Variants in ESYT3 observed in about 807,000 individuals in gnomAD.
ESYT3 encodes extended synaptotagmin 3.
ESYT3 carries 101 observed loss-of-function variants against 111.5 expected under a neutral mutation model. The observed-to-expected ratio is 0.91, with a 90% CI of 0.77 to 1.07. The LOEUF is 1.07. Among genes scored for constraint, ESYT3 ranks in the 50% least tolerant of loss-of-function variants. The pLI is 0.00. For missense variants in ESYT3, 1,097 were observed against 1,109.4 expected (o/e 0.99, Z 0.16); for synonymous variants, 416 against 446.8 (o/e 0.93, Z 0.87).
rs756437673 is a variant in ESYT3, at chr3:138,460,014, G to A, written c.718G>A (p.Val240Met). 1.9e-6 allele frequency: 3 copies of A among 1,614,154 alleles called. No individual in the cohort carries two copies. Among genetic ancestry groups the A allele is most frequent in the African/African-American group, 1.3e-5 (1 of 75,056 alleles). ...VDKPFVGAVTVFFLQKPHLQI... is the reference protein window; with the variant it reads ...VDKPFVGAVTMFFLQKPHLQI... ...CAAGCCCTTTGTGGGAGCCGTGACT[G>A]TGTTCTTCCTTCAGAAGCCGGTGAG... The change falls in exon 6 of 23, where the codon GTG becomes ATG. Residue 240 changes from valine (V) to methionine (M), a missense_variant. Val to Met is a conservative substitution (Grantham distance 21, BLOSUM62 1). Coordinates refer to ENST00000389567, the MANE Select transcript of ESYT3 (RefSeq NM_031913.5).
At chr3:138,437,176 G>A (rs541896450) in intron 1 of ESYT3, among the ~76,000 whole-genome samples, 4 of 152,176 alleles carry the variant, frequency 2.6e-5, no homozygotes, top group South Asian at 2.1e-4. Context: ...AGGCAGTCTC[G>A]GGTGGGGGAC....
intron 20 of ESYT3, 124 bp downstream of exon 20, chr3:138,474,476 C>T (rs1038139182): frequency 1.8e-6 from 2 of 1,111,074 alleles, no homozygotes; most frequent in South Asian, 1.9e-5. Flanking sequence ...ACAACATAGT[C>T]TATGACTTCA....
chr3:138,455,149 G>A (rs770047195), intron 2 of ESYT3, 45 bp from the exon 3 acceptor site: 20 of 1,608,180 alleles, frequency 1.2e-5, no homozygotes, highest in Admixed American at 3.3e-5. Flanking sequence ...GGTCTGCAGT[G>A]GGGGTACAGA....
Position 138,472,781 on chromosome 3 carries a change from G to A in ESYT3, c.2159G>A (p.Arg720Lys). 3 of 1,614,206 alleles carry A rather than the reference G, an allele frequency of 1.9e-6. No homozygotes were observed. The highest frequency in any genetic ancestry group is 2.2e-5 in the South Asian group (2 of 91,088). ...TCCCCATTCGCATGGCCGCCCAAGA[G>A]GCTGGCTCCCAGCATGTCCTCGCTC... ...PASPFAWPPK[R>K]LAPSMSSLNS... is the part of the protein sequence containing the mutation. Residue 720 changes from arginine to lysine, a missense_variant, in exon 18 of 23, where the codon AGG becomes AAG. Physicochemically the swap from Arg to Lys is conservative, Grantham distance 26. Coordinates refer to ENST00000389567, the MANE Select transcript of ESYT3 (RefSeq NM_031913.5).
intron 5 of ESYT3, among the ~76,000 whole-genome samples, 175 bp downstream of exon 5, chr3:138,459,428 T>G (rs1410426468): frequency 6.6e-6 from 1 of 152,156 alleles, no homozygotes; most frequent in African/African-American, 2.4e-5. Context: ...AAGTGGTGGC[T>G]GGGCTTCACC....
rs766795903 is a variant in ESYT3 at position 138,460,670 on chromosome 3, G to C, written c.794+4G>C. ...TGCTGGATGCGCCGGGAATCAAGTA[G>C]GTGCCTGGGAGAGCCTCGAGGGAGA... On this transcript the variant is annotated splice_donor_region_variant and intron_variant, in intron 7 of 22. Transcript: ENST00000389567. The C allele has an allele frequency of 3.1e-6, 5 of 1,613,924 alleles. No homozygotes were observed. The African/African-American group carries it at 6.7e-5, about 22-fold the overall frequency.
At position 138,476,333 on chromosome 3, in the gene ESYT3, G is replaced by T. The variant is rs999518176; in HGVS notation, c.2574+5G>T. 9.9e-6 allele frequency: 16 copies of T among 1,609,826 alleles called. No homozygotes were observed. Among genetic ancestry groups the T allele is most frequent in the Non-Finnish European group, 9.4e-6 (11 of 1,176,292 alleles). On this transcript the variant is annotated splice_donor_5th_base_variant and intron_variant, in intron 21 of 22. Transcript: ENST00000389567. ...AGAAGAAAGGAGTTAGGAAAAGTAAGTACAAGAGATATTTGATATACCAAG... is the reference window on the plus strand; with the variant it reads ...AGAAGAAAGGAGTTAGGAAAAGTAATTACAAGAGATATTTGATATACCAAG...
intron 18 of ESYT3, 60 bp from the exon 19 acceptor site, chr3:138,473,476 G>T: frequency 7.0e-7 from 1 of 1,425,146 alleles, no homozygotes; most frequent in South Asian, 1.2e-5. Context: ...GTCTTTGGGG[G>T]TGGCGGAAGA....
At chr3:138,437,936 C>G (rs975796568) in intron 1 of ESYT3, among the ~76,000 whole-genome samples, 4 of 152,156 alleles carry the variant, frequency 2.6e-5, no homozygotes, top group African/African-American at 9.7e-5. Flanking sequence ...GAAGTGCATA[C>G]AAACAGATGC....
intron 14 of ESYT3, 167 bp from the exon 15 acceptor site, chr3:138,469,269 C>T (rs548892913): frequency 1.1e-5 from 7 of 639,506 alleles, no homozygotes; most frequent in Non-Finnish European, 1.9e-5. Flanking sequence ...GGGGCTCGCA[C>T]AGTAATGACA....
intron 1 of ESYT3, among the ~76,000 whole-genome samples, chr3:138,450,546 C>T (rs1463543498): frequency 1.3e-5 from 2 of 152,192 alleles, no homozygotes; most frequent in African/African-American, 4.8e-5. Flanking sequence ...TAGGCCACTG[C>T]CCAGAGCAAG....
chr3:138,473,100 T>G (rs2033316477), intron 18 of ESYT3: 1 of 1,396,936 alleles, frequency 7.2e-7, no homozygotes, highest in South Asian at 1.7e-5. Flanking sequence ...GTTGGTAAGG[T>G]CCCTTCCAGC....
intron 1 of ESYT3, 134 bp from the exon 2 acceptor site, chr3:138,451,914 G>A (rs1192845418): frequency 8.2e-6 from 8 of 970,110 alleles, no homozygotes; most frequent in East Asian, 2.5e-5. Context: ...ACCTGTGACC[G>A]ACGTGGAGGC....
intron 7 of ESYT3, among the ~76,000 whole-genome samples, chr3:138,461,274 G>C (rs1219586529): frequency 6.6e-6 from 1 of 152,182 alleles, no homozygotes; most frequent in Non-Finnish European, 1.5e-5. Flanking sequence ...CCTGACCGTG[G>C]TCACAAACAT....
At chr3:138,480,889 G>A (rs1029675750), downstream of ESYT3, 4 of 152,156 alleles carry the variant, frequency 2.6e-5, no homozygotes, top group African/African-American at 7.2e-5. Context: ...CTAGTGCAGG[G>A]AGCCAACTGG....
At chr3:138,451,214 G>C (rs542025979) in intron 1 of ESYT3, among the ~76,000 whole-genome samples, 2 of 152,308 alleles carry the variant, frequency 1.3e-5, no homozygotes, top group African/African-American at 4.8e-5. Context: ...CACCCAGCAG[G>C]TGGAGCTGGA....
At chr3:138,451,960 G>T in intron 1 of ESYT3, 88 bp from the exon 2 acceptor site, 2 of 1,464,406 alleles carry the variant, frequency 1.4e-6, no homozygotes, top group Non-Finnish European at 1.9e-6. Flanking sequence ...GCGCGTGGGC[G>T]GAATGGGAAG....
At chr3:138,469,278 C>G in intron 14 of ESYT3, 158 bp from the exon 15 acceptor site, 1 of 657,818 alleles carries the variant, frequency 1.5e-6, no homozygotes, top group Non-Finnish European at 2.6e-6. Context: ...ACAGTAATGA[C>G]AGCCCAGGGG....
rs747367063 is a variant in ESYT3, at chr3:138,472,600, CAA to C, written c.1979_1980del (p.Gln660ArgfsTer7). The C allele has an allele frequency of 3.5e-5, 56 of 1,614,108 alleles. No homozygotes were observed. The highest frequency in any genetic ancestry group is 1.0e-4 in the Admixed American group (6 of 60,008). On this transcript the variant is annotated frameshift_variant, in exon 18 of 23. Transcript: ENST00000389567. LOFTEE classifies it high-confidence loss of function. ...CACCGTTGCCACTGAGCCCACATCC[CAA>C]GAGACAGGCCCAGAGCCTAAAGGCA... is the stretch of plus-strand genomic sequence containing the variant. The part of the protein sequence containing the change: ...ATTVATEPTS[Q>X]ETGPEPKGKD...
Sources: gnomAD v4.1 joint callset for allele counts (sites outside exome capture counted in the v4.1 genomes callset) on GRCh38, gnomAD v4.1.1 for gene constraint, MANE v1.5 for transcripts, NCBI Gene and HGNC (gene_info 2026-07-23, HGNC 2026-07-21) for gene names.